PEG3: variants seen among roughly 807,000 people sequenced by gnomAD.
PEG3 encodes the protein paternally-expressed gene 3 protein.
PEG3 carries 23 observed loss-of-function variants against 35.5 expected under a neutral mutation model. The observed-to-expected ratio is 0.65, with a 90% CI of 0.47 to 0.92. The LOEUF is 0.92. PEG3 is among the 40% of genes least tolerant of loss of function. The pLI, the probability that PEG3 is intolerant of heterozygous loss-of-function variation, is 0.00. For missense variants in PEG3, 1,960 were observed against 1,985.3 expected, an observed-to-expected ratio of 0.99 and a Z score of 0.24; for synonymous variants, 707 against 697.0, an observed-to-expected ratio of 1.01 and a Z score of -0.23.
chr19:56,834,848 T>C (rs764900934), intron 2 of PEG3, among the ~76,000 whole-genome samples: 3 of 152,186 alleles, frequency 2.0e-5, no homozygotes, highest in Admixed American at 6.5e-5. Context: ...TTCCATTCAG[T>C]AGACACTGAG....
Position 56,821,631 on chromosome 19 carries a change from G to A in PEG3, c.669+20C>T. On this transcript the variant is annotated intron_variant, in intron 7 of 9. Transcript: ENST00000326441. ...GAAATGAAGATGGCCTTTCTAGAAA[G>A]AGAGGAAACCTGAGCATACCTGAGA... 1.2e-6 allele frequency: 2 copies of A among 1,611,698 alleles called. No homozygotes were observed. The highest frequency in any genetic ancestry group is 1.7e-6 in the Non-Finnish European group (2 of 1,179,294).
intron 2 of PEG3, among the ~76,000 whole-genome samples, chr19:56,830,469 T>C (rs1171580623): frequency 1.3e-5 from 2 of 152,214 alleles, no homozygotes; most frequent in East Asian, 1.9e-4. Flanking sequence ...TAAAGACTTA[T>C]CTCAAATACA....
chr19:56,817,803 T>C lies in PEG3; in HGVS notation c.805A>G (p.Met269Val), dbSNP rs745949327. 4 of 1,614,036 alleles carry C rather than the reference T, an allele frequency of 2.5e-6. No individual in the cohort carries two copies. The highest frequency in any genetic ancestry group is 2.2e-5 in the East Asian group (1 of 44,884). The stretch of plus-strand genomic sequence containing the variant: ...GATCTTGATGAGTGGCCCTGCGTCA[T>C]GTGGGAGTGGCCATCGTCTTCAGCA... ...QLAEDDGHSHMTQGHSSRSKR... is the reference protein window; with the variant it reads ...QLAEDDGHSHVTQGHSSRSKR... The change falls in exon 9 of 10, where the codon ATG (methionine) becomes GTG (valine). Residue 269 changes from methionine (M) to valine (V), a missense_variant. Around this residue, in one of 5 missense-constraint regions of PEG3, gnomAD observed 613 missense variants for 577.1 expected, o/e 1.06. Transcript: ENST00000326441.
At position 56,811,910 on chromosome 19, in the gene PEG3, T is replaced by C. The variant is rs976809858; in HGVS notation, c.*1765A>G. 16 of 985,224 alleles carry C rather than the reference T, an allele frequency of 1.6e-5. No homozygotes were observed. The highest frequency in any genetic ancestry group is 1.9e-5 in the Non-Finnish European group (16 of 829,760). 61.0% of individuals were successfully genotyped at this position (985,224 alleles called of 1,614,324 possible). ...CTCCCCTCCTAGATCTGGTGATATA[T>C]TAGGACTCCCTTCTTTGACTCACTC... On this transcript the variant is annotated 3_prime_UTR_variant, in exon 10 of 10. Coordinates refer to ENST00000326441, the MANE Select transcript of PEG3 (RefSeq NM_006210.3).
chr19:56,831,604 A>G (rs2061575831), intron 2 of PEG3, among the ~76,000 whole-genome samples: 2 of 152,254 alleles, frequency 1.3e-5, no homozygotes, highest in Non-Finnish European at 2.9e-5. Flanking sequence ...ACTGCATCCA[A>G]AAATCAGCAT....
chr19:56,832,045 A>G (rs1283879008), intron 2 of PEG3, among the ~76,000 whole-genome samples: 1 of 152,260 alleles, frequency 6.6e-6, no homozygotes, highest in African/African-American at 2.4e-5. Flanking sequence ...GAAAACTCAC[A>G]TAAACTTGTA....
intron 1 of PEG3, among the ~76,000 whole-genome samples, chr19:56,836,698 G>A (rs953644247): frequency 9.8e-5 from 15 of 152,306 alleles, no homozygotes; most frequent in Admixed American, 5.2e-4. Flanking sequence ...GATGGGCGCA[G>A]TGACTCGCGC....
intron 1 of PEG3, among the ~76,000 whole-genome samples, chr19:56,838,978 C>T (rs904937766): frequency 1.3e-5 from 2 of 152,186 alleles, no homozygotes; most frequent in Non-Finnish European, 2.9e-5. Context: ...TCAGCCTTGC[C>T]CCGCCGCATC....
At chr19:56,839,436 G>C (rs1033555206) in intron 1 of PEG3, among the ~76,000 whole-genome samples, 2 of 148,796 alleles carry the variant, frequency 1.3e-5, no homozygotes, top group African/African-American at 5.0e-5. Flanking sequence ...GGCCTGAACA[G>C]ATCGTCACAT....
Position 56,810,462 on chromosome 19 carries a change from A to G in PEG3, c.*3213T>C. 2.0e-6 allele frequency: 2 copies of G among 984,318 alleles called. No homozygotes were observed. The highest frequency in any genetic ancestry group is 2.4e-6 in the Non-Finnish European group (2 of 828,930). 61.0% of individuals were successfully genotyped at this position (984,318 alleles called of 1,614,324 possible). A position where few individuals can be genotyped will look rare whatever the true frequency, so the allele number is the denominator to read the frequency against. ...CATACTTATCACTAACACCCTAATA[A>G]TCACAGACTAGTGCACAGATCAAGA... On this transcript the variant is annotated 3_prime_UTR_variant, in exon 10 of 10. Transcript: ENST00000326441.
intron 3 of PEG3, 180 bp from the exon 4 acceptor site, chr19:56,824,921 C>G (rs1223135912): frequency 2.3e-5 from 9 of 399,894 alleles, no homozygotes; most frequent in Non-Finnish European, 3.2e-5. Flanking sequence ...CTGGGCTTCA[C>G]AGAGACCTAC....
In PEG3 at chr19:56,815,625, C is replaced by G. The variant is rs778347329; in HGVS notation, c.2817G>C (p.Lys939Asn). The G allele has an allele frequency of 1.5e-5, 25 of 1,614,018 alleles. No individual in the cohort carries two copies. The highest frequency in any genetic ancestry group is 2.0e-5 in the Non-Finnish European group (24 of 1,180,032). Residue 939 changes from lysine to asparagine, a missense_variant, in exon 10 of 10, where the codon AAG becomes AAC. Physicochemically the swap from Lys to Asn is moderately conservative, Grantham distance 94. This residue lies in a region of PEG3 where 798 missense variants were observed against 782.4 expected (regional missense o/e 1.02). Coordinates refer to ENST00000326441, the MANE Select transcript of PEG3 (RefSeq NM_006210.3). ...VREYQKARAK[K>N]KYIEHRSNET... ...CATTGCTCCTATGCTCAATGTATTT[C>G]TTTTTAGCACGAGCCTTCTGGTATT... is the stretch of plus-strand genomic sequence containing the variant.
At chr19:56,832,501 T>C (rs2061670738) in intron 2 of PEG3, among the ~76,000 whole-genome samples, 1 of 152,208 alleles carries the variant, frequency 6.6e-6, no homozygotes, top group South Asian at 2.1e-4. Context: ...CCTTCCTGGC[T>C]TGAAGGTGGG....
At chr19:56,822,496 G>GT (rs11355455) in intron 6 of PEG3, 6,081 of 328,754 alleles carry the variant, frequency 0.018, no homozygotes, top group East Asian at 0.043. Flanking sequence ...GAAACTTCCA[G>GT]TTTTTTTTTT....
chr19:56,816,115 C>T lies in PEG3; in HGVS notation c.2327G>A (p.Arg776Lys). 1 of 1,612,462 alleles carries T rather than the reference C, an allele frequency of 6.2e-7. No homozygotes were observed. Among genetic ancestry groups the T allele is most frequent in the African/African-American group, 1.3e-5 (1 of 74,932 alleles). ...AGAGGCTAAGCTATGAATAACAGAC[C>T]TCTCATATGATTTTGCCTCATAGAC... is the stretch of plus-strand genomic sequence containing the variant. Reference protein sequence around the residue: ...ENVYEAKSYERSVIHSLASVE... With the variant: ...ENVYEAKSYEKSVIHSLASVE... Residue 776 changes from arginine (R) to lysine (K), a missense_variant, in exon 10 of 10, where the codon AGG (arginine) becomes AAG (lysine). Coordinates refer to ENST00000326441, the MANE Select transcript of PEG3 (RefSeq NM_006210.3).
At chr19:56,830,852 G>A (rs1041569384) in intron 2 of PEG3, among the ~76,000 whole-genome samples, 2 of 152,094 alleles carry the variant, frequency 1.3e-5, no homozygotes, top group Non-Finnish European at 2.9e-5. Context: ...GGGGGGCCCT[G>A]GGAGGTGGAG....
chr19:56,837,814 A>G (rs905878142), intron 1 of PEG3, among the ~76,000 whole-genome samples: 5 of 150,712 alleles, frequency 3.3e-5, no homozygotes, highest in Non-Finnish European at 5.9e-5. Context: ...CCTGCGCAGT[A>G]CACCTCTGCT....
At position 56,824,368 on chromosome 19, in the gene PEG3, G is replaced by C; in HGVS notation, c.288C>G (p.Thr96=). 1 of 1,614,126 alleles carries C rather than the reference G, an allele frequency of 6.2e-7. No individual in the cohort carries two copies. Among genetic ancestry groups the C allele is most frequent in the South Asian group, 1.1e-5 (1 of 91,078 alleles). ...AAGGCTTGAGCTTTTCAGGGATGAT[G>C]GTCAGGTACTGCTCAAGGACCAAGA... ...IELLVLEQYL[T]IIPEKLKPWV... is the part of the protein sequence containing the mutation. Residue 96 remains threonine, a synonymous_variant, in exon 4 of 10, where the codon ACC becomes ACG. Coordinates refer to ENST00000326441, the MANE Select transcript of PEG3 (RefSeq NM_006210.3).
At chr19:56,820,034 T>C (rs922789693) in intron 7 of PEG3, among the ~76,000 whole-genome samples, 7 of 152,156 alleles carry the variant, frequency 4.6e-5, no homozygotes, top group Admixed American at 2.6e-4. Context: ...TTTTTTCACA[T>C]GAAAGAAAAA....
Sources: allele counts gnomAD v4.1 joint callset (sites outside exome capture counted in the v4.1 genomes callset), GRCh38; gene constraint gnomAD v4.1.1; regional missense constraint gnomAD v4.1.1; transcripts MANE v1.5; gene names NCBI Gene and HGNC (gene_info 2026-07-23, HGNC 2026-07-21).